Variants in ANKRD30BL observed in about 807,000 individuals in gnomAD.
ANKRD30BL encodes ankyrin repeat domain 30B like.
A neutral mutation model predicts 18.4 loss-of-function variants in ANKRD30BL; 20 were observed. That is an observed-to-expected ratio of 1.09 (90% confidence interval 0.77 to 1.58). The LOEUF is 1.58. Among genes scored for constraint, ANKRD30BL ranks in the 40% most tolerant of loss-of-function variants. The pLI is 0.00. For synonymous variants in ANKRD30BL, 72 were observed against 100.9 expected (o/e 0.71, Z 1.72); for missense variants, 224 against 268.6 (o/e 0.83, Z 1.16).
intron 5 of ANKRD30BL, among the ~76,000 whole-genome samples, chr2:132,149,871 T>C (rs766573044): frequency 1.1e-4 from 16 of 152,190 alleles, no homozygotes; most frequent in Non-Finnish European, 2.9e-5. Context: ...ATATATTTCT[T>C]CCTCTTTATA....
At chr2:132,162,048 C>G (rs1458419947), upstream of ANKRD30BL, 2 of 214,536 alleles carry the variant, frequency 9.3e-6, no homozygotes, top group African/African-American at 4.6e-5. Flanking sequence ...GCAGGTGGCA[C>G]CTGCTACTGA....
chr2:132,257,288 CG>C (rs1228779474), intron 1 of ANKRD30BL, among the ~76,000 whole-genome samples: 29 of 148,170 alleles, frequency 2.0e-4, no homozygotes, highest in African/African-American at 7.2e-4. Context: ...TCGTCGGCAC[CG>C]GTCGCTGCTC....
In ANKRD30BL at chr2:132,240,956, A is replaced by G. The variant is rs62163975; in HGVS notation, n.441+16573T>C. On this transcript the variant is annotated intron_variant and non_coding_transcript_variant, in intron 1 of 4. Transcript: ENST00000470729. ...AAACACTCTTTTTGTAGAATCTGCA[A>G]GTGGATATTTGGATAGCTTTGAGGC... 7.2e-4 allele frequency among the ~76,000 whole-genome samples: 110 copies of G among 152,092 alleles called. 1 individual carries two copies. The highest frequency in any genetic ancestry group is 1.3e-3 in the Non-Finnish European group (89 of 67,936).
chr2:132,175,430 C>T (rs1398319713), intron 1 of ANKRD30BL, among the ~76,000 whole-genome samples: 8 of 152,224 alleles, frequency 5.3e-5, no homozygotes, highest in Non-Finnish European at 8.8e-5. Flanking sequence ...TGTCTTGCCT[C>T]CTGCCATAAG....
intron 1 of ANKRD30BL, 40 bp from the exon 2 acceptor site, chr2:132,157,463 C>T (rs1037957659): frequency 5.2e-6 from 3 of 572,962 alleles, no homozygotes; most frequent in African/African-American, 1.9e-5. Context: ...GTTTAGTCCA[C>T]TGTCTCAAAA....
exon 1 of ANKRD30BL, chr2:132,257,898 A>G (rs1680916688): frequency 6.5e-6 from 1 of 154,152 alleles, no homozygotes; most frequent in African/African-American, 2.4e-5. Flanking sequence ...AGCACCTCCA[A>G]GTAAACCCAC....
At chr2:132,148,255 T>C in intron 5 of ANKRD30BL, 27 bp from the exon 6 acceptor site, 1 of 1,580,758 alleles carries the variant, frequency 6.3e-7, no homozygotes, top group Non-Finnish European at 8.6e-7. Flanking sequence ...CTGGTTAAAT[T>C]TTCCTTCGCT....
intron 1 of ANKRD30BL, among the ~76,000 whole-genome samples, chr2:132,189,819 A>G (rs1490237674): frequency 6.6e-6 from 1 of 152,180 alleles, no homozygotes; most frequent in Non-Finnish European, 1.5e-5. Flanking sequence ...AGTGACATCA[A>G]CTTGTCCCAG....
chr2:132,216,741 C>T (rs577737204), intron 1 of ANKRD30BL, among the ~76,000 whole-genome samples: 12 of 151,308 alleles, frequency 7.9e-5, no homozygotes, highest in South Asian at 2.1e-4. Context: ...TCATTGGAAT[C>T]GGGTACATCT....
At chr2:132,204,936 TA>T (rs111270161) in intron 1 of ANKRD30BL, among the ~76,000 whole-genome samples, 26,012 of 131,034 alleles carry the variant, frequency 0.2, 4,766 homozygotes, top group African/African-American at 0.51. Flanking sequence ...AATATTGGAG[TA>T]AAAAAAAATA....
chr2:132,205,292 A>G (rs182532022), intron 1 of ANKRD30BL, among the ~76,000 whole-genome samples: 6 of 152,164 alleles, frequency 3.9e-5, no homozygotes, highest in African/African-American at 1.2e-4. Context: ...GGACGTGAAA[A>G]AACTAGGCAG....
intron 1 of ANKRD30BL, among the ~76,000 whole-genome samples, chr2:132,158,379 G>T (rs1433056136): frequency 1.3e-5 from 2 of 151,882 alleles, no homozygotes; most frequent in Non-Finnish European, 2.9e-5. Flanking sequence ...ATGTAAATTA[G>T]GTATTTCCAA....
At chr2:132,256,127 C>G (rs78533243) in intron 1 of ANKRD30BL, among the ~76,000 whole-genome samples, 1 of 152,228 alleles carries the variant, frequency 6.6e-6, no homozygotes, top group Non-Finnish European at 1.5e-5. Context: ...TGTACCAGCC[C>G]TGCGTACTTA....
intron 1 of ANKRD30BL, among the ~76,000 whole-genome samples, chr2:132,193,016 G>A (rs1428881745): frequency 9.2e-5 from 14 of 152,206 alleles, no homozygotes; most frequent in Admixed American, 9.2e-4. Context: ...AGAAGCATAT[G>A]AGTGGACATG....
At chr2:132,257,125 C>T (rs770586853) in intron 1 of ANKRD30BL, 1 of 470,368 alleles carries the variant, frequency 2.1e-6, no homozygotes, top group Non-Finnish European at 4.2e-6. Flanking sequence ...ATCAGGACCC[C>T]GAGGTGACCT....
At chr2:132,185,259 G>C (rs935025667) in intron 1 of ANKRD30BL, among the ~76,000 whole-genome samples, 1 of 152,110 alleles carries the variant, frequency 6.6e-6, no homozygotes, top group Non-Finnish European at 1.5e-5. Context: ...ACTGTGCTCC[G>C]GCTCAATCGG....
intron 1 of ANKRD30BL, among the ~76,000 whole-genome samples, chr2:132,157,651 CT>C (rs1177468224): frequency 6.6e-6 from 1 of 152,154 alleles, no homozygotes; most frequent in Non-Finnish European, 1.5e-5. Context: ...TTCAGTTCAA[CT>C]TGGGCTTGAA....
intron 1 of ANKRD30BL, among the ~76,000 whole-genome samples, chr2:132,159,165 C>A (rs1027346794): frequency 6.6e-5 from 10 of 152,046 alleles, no homozygotes; most frequent in Non-Finnish European, 1.3e-4. Flanking sequence ...TCAAACTGAA[C>A]TTTACCCTCA....
intron 1 of ANKRD30BL, among the ~76,000 whole-genome samples, chr2:132,218,783 C>T (rs2104767171): frequency 6.6e-6 from 1 of 152,006 alleles, no homozygotes; most frequent in Non-Finnish European, 1.5e-5. Flanking sequence ...TTCAGGCCTT[C>T]ATTGGAAATG....
Sources: gnomAD v4.1 joint callset for allele counts (sites outside exome capture counted in the v4.1 genomes callset) on GRCh38, gnomAD v4.1.1 for gene constraint, MANE v1.5 for transcripts, NCBI Gene and HGNC (gene_info 2026-07-23, HGNC 2026-07-21) for gene names.